Variants in SEMA3A observed in about 807,000 individuals in gnomAD.
SEMA3A encodes semaphorin 3A, also known as semaphorin-3A.
Under a neutral mutation model 97.9 loss-of-function variants are expected in SEMA3A, and 29 were observed. That is an observed-to-expected ratio of 0.30 (90% CI 0.22 to 0.40). SEMA3A has a LOEUF of 0.40. SEMA3A is among the 10% of genes least tolerant of loss of function. The probability of loss-of-function intolerance (pLI) is 1.00; values close to 1 mark genes in which losing one functional copy is unlikely to be tolerated. For missense variants in SEMA3A, 763 were observed against 951.3 expected, an observed-to-expected ratio of 0.80 and a Z score of 2.60; for synonymous variants, 321 against 323.7, an observed-to-expected ratio of 0.99 and a Z score of 0.09.
chr7:84,024,934 A>G (rs941158667), intron 6 of SEMA3A, among the ~76,000 whole-genome samples: 5 of 152,008 alleles, frequency 3.3e-5, no homozygotes, highest in African/African-American at 1.2e-4. Context: ...CTAAAACACA[A>G]AAAGTAGCCG....
At chr7:84,053,219 C>G (rs1792771088) in intron 5 of SEMA3A, among the ~76,000 whole-genome samples, 2 of 111,352 alleles carry the variant, frequency 1.8e-5, no homozygotes, top group African/African-American at 5.4e-5. Flanking sequence ...CTGTAGATGT[C>G]TATTAGGTAC....
At chr7:84,470,906 G>T (rs1806129435) in intron 1 of SEMA3A, among the ~76,000 whole-genome samples, 1 of 151,882 alleles carries the variant, frequency 6.6e-6, no homozygotes, top group Non-Finnish European at 1.5e-5. Context: ...AGTTATTTGG[G>T]TCAGAGGGAA....
chr7:84,469,058 A>G (rs969961925), intron 1 of SEMA3A, among the ~76,000 whole-genome samples: 11 of 152,164 alleles, frequency 7.2e-5, no homozygotes, highest in Admixed American at 4.6e-4. Flanking sequence ...TTTCATTTAT[A>G]AAATAGAATA....
rs1449419329 is a variant in SEMA3A at position 84,273,254 on chromosome 7, C to T, written c.-83+33953G>A. Among the ~76,000 whole-genome samples, 3 of 152,146 alleles carry T rather than the reference C, an allele frequency of 2.0e-5. No homozygotes were observed. In the East Asian group the frequency reaches 5.8e-4, roughly 29 times the overall value. On this transcript the variant is annotated intron_variant, in intron 3 of 3. Coordinates refer to the SEMA3A transcript ENST00000424555. ...TTAAACTTAGGTATTCACCTCAAGGCCAACCACATGCTAGGAATAGAAATA... is the reference window on the plus strand; with the variant it reads ...TTAAACTTAGGTATTCACCTCAAGGTCAACCACATGCTAGGAATAGAAATA...
At chr7:84,115,377 A>C (rs1294988231) in intron 3 of SEMA3A, among the ~76,000 whole-genome samples, 2 of 152,218 alleles carry the variant, frequency 1.3e-5, no homozygotes, top group African/African-American at 4.8e-5. Context: ...TTGAAGTCCT[A>C]GAAATATTGT....
chr7:84,228,019 T>C (rs545439288), intron 3 of SEMA3A, among the ~76,000 whole-genome samples: 1 of 152,064 alleles, frequency 6.6e-6, no homozygotes, highest in Non-Finnish European at 1.5e-5. Context: ...ACATGAAATA[T>C]GCCTTTAATA....
chr7:84,081,995 T>C (rs1794180675), intron 4 of SEMA3A, among the ~76,000 whole-genome samples: 1 of 152,176 alleles, frequency 6.6e-6, no homozygotes, highest in South Asian at 2.1e-4. Flanking sequence ...GTTTCCCTGT[T>C]TTAATTTTAA....
At chr7:84,126,363 G>A (rs965880983) in intron 3 of SEMA3A, among the ~76,000 whole-genome samples, 2 of 151,944 alleles carry the variant, frequency 1.3e-5, no homozygotes, top group Non-Finnish European at 1.5e-5. Flanking sequence ...GTGCCACCAC[G>A]CCTGGCTAAT....
At chr7:83,990,046 A>C (rs1471294078) in intron 12 of SEMA3A, among the ~76,000 whole-genome samples, 1 of 151,742 alleles carries the variant, frequency 6.6e-6, no homozygotes, top group African/African-American at 2.4e-5. Flanking sequence ...TGTGGTTTTG[A>C]TTTGCATTTC....
intron 1 of SEMA3A, among the ~76,000 whole-genome samples, chr7:84,449,445 A>T (rs1805505199): frequency 6.6e-6 from 1 of 152,308 alleles, no homozygotes; most frequent in East Asian, 1.9e-4. Context: ...AGAAAAAAAC[A>T]AAGAGAAAAC....
At chr7:84,186,858 A>C (rs1797902980) in intron 1 of SEMA3A, among the ~76,000 whole-genome samples, 2 of 152,170 alleles carry the variant, frequency 1.3e-5, no homozygotes, top group African/African-American at 4.8e-5. Flanking sequence ...TTAGCCTACT[A>C]TCCTCTCCCA....
intron 1 of SEMA3A, among the ~76,000 whole-genome samples, chr7:84,147,601 C>A (rs10263183): frequency 2.0e-5 from 3 of 151,958 alleles, no homozygotes; most frequent in African/African-American, 7.3e-5. Context: ...TGGCTGGCGG[C>A]AGAAATTACC....
chr7:84,031,096 G>C (rs997923504), intron 6 of SEMA3A, among the ~76,000 whole-genome samples: 9 of 147,660 alleles, frequency 6.1e-5, no homozygotes, highest in African/African-American at 2.3e-4. Flanking sequence ...AGATGCAAGC[G>C]ATTCCCATGC....
chr7:84,405,299 G>A (rs7776742), intron 1 of SEMA3A, among the ~76,000 whole-genome samples: 21,493 of 152,022 alleles, frequency 0.14, 3,112 homozygotes, highest in African/African-American at 0.36. Flanking sequence ...AGACAAAGAA[G>A]GCCATTACAT....
chr7:83,995,287 A>G lies in SEMA3A; in HGVS notation c.1452+6668T>C, dbSNP rs1165495659. On this transcript the variant is annotated intron_variant, in intron 12 of 16. Coordinates refer to ENST00000265362, the MANE Select transcript of SEMA3A (RefSeq NM_006080.3). ...GAAATCACTGTCTTCTGCGTCGCTC[A>G]CTCTGGGAGCTGTAGACCGAAGCTG... Among the ~76,000 whole-genome samples the G allele has an allele frequency of 2.0e-5, 3 of 151,478 alleles. No homozygotes were observed. The East Asian group carries it at 5.8e-4, about 30-fold the overall frequency.
chr7:83,980,215 G>A (rs1420886958), intron 14 of SEMA3A, among the ~76,000 whole-genome samples: 1 of 152,032 alleles, frequency 6.6e-6, no homozygotes. Flanking sequence ...GGGCTATTTT[G>A]TCAAATGAAG....
chr7:83,982,188 C>A (rs1789442993), intron 13 of SEMA3A, among the ~76,000 whole-genome samples: 1 of 152,154 alleles, frequency 6.6e-6, no homozygotes, highest in Non-Finnish European at 1.5e-5. Flanking sequence ...TCTCGCTGCC[C>A]ATTAACACCC....
chr7:84,334,912 C>A (rs1440785029), intron 2 of SEMA3A, among the ~76,000 whole-genome samples: 3 of 151,646 alleles, frequency 2.0e-5, no homozygotes, highest in Non-Finnish European at 4.4e-5. Context: ...TTAGACTACC[C>A]CCTCATTTTC....
At chr7:83,988,237 T>A (rs2116337568) in intron 12 of SEMA3A, among the ~76,000 whole-genome samples, 1 of 152,198 alleles carries the variant, frequency 6.6e-6, no homozygotes, top group African/African-American at 2.4e-5. Context: ...GTTGTTTGTT[T>A]GTTTTTTGAG....
Sources: gnomAD v4.1 joint callset for allele counts (sites outside exome capture counted in the v4.1 genomes callset) on GRCh38, gnomAD v4.1.1 for gene constraint, MANE v1.5 for transcripts, NCBI Gene and HGNC (gene_info 2026-07-23, HGNC 2026-07-21) for gene names.